RELN: variants seen among roughly 807,000 people sequenced by gnomAD.
RELN encodes the protein reelin.
In RELN, 108 loss-of-function variants were observed where a neutral mutation model predicts 427.6. That is an observed-to-expected ratio of 0.25 (90% CI 0.22 to 0.30). The LOEUF is 0.30. Among genes scored for constraint, RELN ranks in the 10% least tolerant of loss-of-function variants. The probability of loss-of-function intolerance (pLI) is 1.00; values close to 1 mark genes in which losing one functional copy is unlikely to be tolerated. For missense variants in RELN, 3,715 were observed against 4,302.8 expected, an observed-to-expected ratio of 0.86 and a Z score of 3.82; for synonymous variants, 1,524 against 1,513.4, an observed-to-expected ratio of 1.01 and a Z score of -0.16.
Position 103,569,864 on chromosome 7 carries a change from G to A in RELN, c.4588+2320C>T, listed in dbSNP as rs1475284360. ...TTTAACTCATCTACCAAGTGTTTAA[G>A]GCATGTGAAACATTTCTCTTTTTAA... On this transcript the variant is annotated intron_variant, in intron 31 of 64. Transcript: ENST00000428762. The surrounding 1 kb of genome is among the most constrained non-coding windows in gnomAD (Gnocchi z 4.0). 1.3e-5 allele frequency among the ~76,000 whole-genome samples: 2 copies of A among 152,198 alleles called. No individual in the cohort carries two copies. The highest frequency in any genetic ancestry group is 2.9e-5 in the Non-Finnish European group (2 of 68,042).
At chr7:103,677,022 A>G (rs1833543991) in intron 11 of RELN, among the ~76,000 whole-genome samples, 1 of 151,650 alleles carries the variant, frequency 6.6e-6, no homozygotes, top group African/African-American at 2.4e-5. Flanking sequence ...CATGTACCCT[A>G]GAAGTTAAAG....
In RELN at chr7:103,842,336, T is replaced by C. The variant is rs111472965; in HGVS notation, c.338-8664A>G. Among the ~76,000 whole-genome samples, 251 of 152,146 alleles carry C rather than the reference T, an allele frequency of 1.6e-3. 1 individual carries two copies. The highest frequency in any genetic ancestry group is 5.9e-3 in the African/African-American group (243 of 41,524). ...TATATTGTAAATGAAAAAGAAAAAATGAATTATAGAATTCCTTTTTATCCC... is the reference window on the plus strand; with the variant it reads ...TATATTGTAAATGAAAAAGAAAAAACGAATTATAGAATTCCTTTTTATCCC... On this transcript the variant is annotated intron_variant, in intron 2 of 64. Transcript: ENST00000428762.
intron 45 of RELN, among the ~76,000 whole-genome samples, chr7:103,536,176 T>C (rs1484646495): frequency 6.6e-6 from 1 of 152,172 alleles, no homozygotes; most frequent in Non-Finnish European, 1.5e-5. Context: ...ATATAAAATA[T>C]GGAAATCCAA....
rs566422071 is a variant in RELN at position 103,743,955 on chromosome 7, T to C, written c.656+5471A>G. On this transcript the variant is annotated intron_variant, in intron 6 of 64. Coordinates refer to ENST00000428762, the MANE Select transcript of RELN (RefSeq NM_005045.4). ...AACTCTCCACCCCAAATCAACAGAATATACATTCTTTTCAGCACCACACCA... is the reference window on the plus strand; with the variant it reads ...AACTCTCCACCCCAAATCAACAGAACATACATTCTTTTCAGCACCACACCA... 8.8e-4 allele frequency among the ~76,000 whole-genome samples: 134 copies of C among 152,270 alleles called. 1 individual carries two copies. The highest frequency in any genetic ancestry group is 3.0e-3 in the African/African-American group (126 of 41,544).
chr7:103,817,468 A>C (rs1176926264), intron 3 of RELN, among the ~76,000 whole-genome samples: 1 of 152,206 alleles, frequency 6.6e-6, no homozygotes, highest in Non-Finnish European at 1.5e-5. Flanking sequence ...GGTGAAAAAG[A>C]CTTTTACTCA....
At chr7:103,510,704 A>G (rs1829378575) in intron 51 of RELN, 147 bp downstream of exon 51, 1 of 677,486 alleles carries the variant, frequency 1.5e-6, no homozygotes, top group Admixed American at 2.5e-5. Flanking sequence ...AGCAATGTAT[A>G]GTTGAGTTGT....
At chr7:103,846,499 T>C (rs1436752770) in intron 2 of RELN, among the ~76,000 whole-genome samples, 1 of 152,160 alleles carries the variant, frequency 6.6e-6, no homozygotes, top group Non-Finnish European at 1.5e-5. Context: ...GGCAATACCA[T>C]TCAGGACATA....
intron 1 of RELN, among the ~76,000 whole-genome samples, chr7:103,949,986 T>A (rs771032452): frequency 9.2e-5 from 14 of 152,200 alleles, no homozygotes; most frequent in Non-Finnish European, 1.8e-4. Context: ...GTTGCCATAA[T>A]AAAATGCCAC....
chr7:103,987,331 T>C (rs1422278611), intron 1 of RELN, among the ~76,000 whole-genome samples: 1 of 152,222 alleles, frequency 6.6e-6, no homozygotes. Flanking sequence ...ATGTTATCCA[T>C]TCCTTTTCAG....
intron 3 of RELN, among the ~76,000 whole-genome samples, chr7:103,779,181 G>C (rs1791823504): frequency 6.6e-6 from 1 of 151,972 alleles, no homozygotes; most frequent in Non-Finnish European, 1.5e-5. Context: ...AGAGTCAAGA[G>C]AAGGAGGGGC....
At chr7:103,888,297 G>A (rs907700750) in intron 2 of RELN, among the ~76,000 whole-genome samples, 1 of 151,750 alleles carries the variant, frequency 6.6e-6, no homozygotes, top group East Asian at 1.9e-4. Context: ...TATTTATGAA[G>A]TGAAGGTATA....
chr7:103,532,664 A>C (rs1037357695), intron 46 of RELN, among the ~76,000 whole-genome samples: 1 of 152,094 alleles, frequency 6.6e-6, no homozygotes, highest in African/African-American at 2.4e-5. Flanking sequence ...CATCTCAAAT[A>C]CACCTGTCCC....
chr7:103,536,426 C>T (rs1830053311), intron 45 of RELN, among the ~76,000 whole-genome samples: 1 of 152,166 alleles, frequency 6.6e-6, no homozygotes, highest in African/African-American at 2.4e-5. Flanking sequence ...ACTGAAATCA[C>T]CTGGATACCT....
intron 2 of RELN, among the ~76,000 whole-genome samples, chr7:103,836,815 C>T (rs916510278): frequency 6.6e-6 from 1 of 152,212 alleles, no homozygotes; most frequent in African/African-American, 2.4e-5. Context: ...AATTCCAACA[C>T]AGCACTTAGC....
At chr7:103,641,912 T>G (rs2073551) in intron 16 of RELN, among the ~76,000 whole-genome samples, 103,169 of 151,898 alleles carry the variant, frequency 0.68, 35,590 homozygotes, top group African/African-American at 0.78. Flanking sequence ...AGGGCACCCA[T>G]GTCATAGTTC....
At chr7:103,545,873 C>A (rs1177840058) in intron 41 of RELN, among the ~76,000 whole-genome samples, 1 of 152,040 alleles carries the variant, frequency 6.6e-6, no homozygotes, top group South Asian at 2.1e-4. Context: ...TGACCTCAGG[C>A]GATCCGCCCA....
intron 2 of RELN, among the ~76,000 whole-genome samples, chr7:103,907,415 G>GAGGAA (rs1491587957): frequency 1.4e-4 from 6 of 44,080 alleles, no homozygotes; most frequent in African/African-American, 2.6e-4. Flanking sequence ...CAAGGCTCTG[G>GAGGAA]AAAAAAAAAA....
chr7:103,754,958 A>G (rs1791097092), intron 4 of RELN, among the ~76,000 whole-genome samples: 1 of 152,156 alleles, frequency 6.6e-6, no homozygotes, highest in South Asian at 2.1e-4. Flanking sequence ...AATAAAGCTG[A>G]TATCTACGAA....
At chr7:103,809,913 T>A (rs1792694964) in intron 3 of RELN, among the ~76,000 whole-genome samples, 1 of 152,212 alleles carries the variant, frequency 6.6e-6, no homozygotes, top group East Asian at 1.9e-4. Flanking sequence ...GTGTGACTTT[T>A]ATGACTTCCT....
Sources: gnomAD v4.1 joint callset for allele counts (sites outside exome capture counted in the v4.1 genomes callset) on GRCh38, gnomAD v4.1.1 for gene constraint, Gnocchi (gnomAD v3.1) non-coding constraint, MANE v1.5 for transcripts, NCBI Gene and HGNC (gene_info 2026-07-23, HGNC 2026-07-21) for gene names.